Variants in EPS15 observed in about 807,000 individuals in gnomAD.
The protein encoded by EPS15 is epidermal growth factor receptor substrate 15.
In EPS15, 72 loss-of-function variants were observed where a neutral mutation model predicts 113.8. The ratio of observed to expected loss-of-function variants is 0.63; its 90% CI spans 0.52 to 0.77. EPS15 has a LOEUF of 0.77. Among genes scored for constraint, EPS15 ranks in the 30% least tolerant of loss-of-function variants. EPS15 has a pLI of 0.00. For missense variants in EPS15, 1,048 were observed against 1,045.8 expected, an observed-to-expected ratio of 1.00 and a Z score of -0.03; for synonymous variants, 344 against 363.4, an observed-to-expected ratio of 0.95 and a Z score of 0.61.
chr1:51,406,325 A>G (rs549748588), intron 15 of EPS15, among the ~76,000 whole-genome samples: 2 of 152,104 alleles, frequency 1.3e-5, no homozygotes, highest in Non-Finnish European at 2.9e-5. Context: ...GAAATATAAA[A>G]ATTAGCTGGG....
intron 21 of EPS15, among the ~76,000 whole-genome samples, chr1:51,385,252 C>G (rs1647035320): frequency 6.6e-6 from 1 of 152,012 alleles, no homozygotes; most frequent in Non-Finnish European, 1.5e-5. Flanking sequence ...TAGAAATGGG[C>G]AGAGGACTTG....
At chr1:51,445,505 A>T (rs1449397285) in intron 10 of EPS15, among the ~76,000 whole-genome samples, 1 of 152,230 alleles carries the variant, frequency 6.6e-6, no homozygotes, top group Non-Finnish European at 1.5e-5. Context: ...GGAGGATACA[A>T]GGATCACCAA....
intron 12 of EPS15, chr1:51,423,097 T>G (rs1433707593): frequency 1.1e-5 from 8 of 701,654 alleles, no homozygotes; most frequent in Non-Finnish European, 1.6e-5. Flanking sequence ...TCAACTGTTT[T>G]GGATACGTAG....
chr1:51,493,581 A>T (rs750925917), intron 1 of EPS15, among the ~76,000 whole-genome samples: 11 of 146,960 alleles, frequency 7.5e-5, no homozygotes, highest in South Asian at 6.5e-4. Flanking sequence ...AATAAATAAA[A>T]ATAAAGCTCT....
intron 21 of EPS15, 121 bp from the exon 22 acceptor site, chr1:51,366,150 C>G: frequency 1.6e-6 from 1 of 613,758 alleles, no homozygotes. Context: ...TCACTGCAGC[C>G]TCAATCTCCC....
intron 1 of EPS15, among the ~76,000 whole-genome samples, chr1:51,486,649 A>G (rs1009384509): frequency 6.6e-6 from 1 of 152,076 alleles, no homozygotes; most frequent in African/African-American, 2.4e-5. Context: ...CTGTGAAAAT[A>G]CTGAGACTGA....
chr1:51,390,117 A>AT (rs766233661), intron 21 of EPS15, among the ~76,000 whole-genome samples: 16 of 152,192 alleles, frequency 1.1e-4, no homozygotes, highest in Non-Finnish European at 1.8e-4. Context: ...CAAAACAGAG[A>AT]TATAGATCAA....
Position 51,440,327 on chromosome 1 carries a change from T to C in EPS15, c.1040+20A>G. ...TGTGTGTGTGTGTATGTGAGTAGGCTGTAATTTTGCTTTACATACCTCTGT... is the reference window on the plus strand; with the variant it reads ...TGTGTGTGTGTGTATGTGAGTAGGCCGTAATTTTGCTTTACATACCTCTGT... On this transcript the variant is annotated intron_variant, in intron 12 of 24. Coordinates refer to ENST00000371733, the MANE Select transcript of EPS15 (RefSeq NM_001981.3). 1 of 1,068,810 alleles carries C rather than the reference T, an allele frequency of 9.4e-7. No homozygotes were observed. The allele number at this position is 1,068,810 out of a possible 1,614,324, so 66.2% of individuals were successfully genotyped here.
chr1:51,444,806 T>C, intron 11 of EPS15, 83 bp downstream of exon 11: 1 of 1,326,360 alleles, frequency 7.5e-7, no homozygotes, highest in Non-Finnish European at 1.1e-6. Context: ...TCTCTTCTAT[T>C]TCATCCAAAT....
chr1:51,432,300 A>G (rs1247777889), intron 12 of EPS15, among the ~76,000 whole-genome samples: 1 of 89,606 alleles, frequency 1.1e-5, no homozygotes, highest in Non-Finnish European at 2.1e-5. Context: ...CACATAGATT[A>G]TGTATGTATG....
chr1:51,392,364 G>A (rs1462323760), intron 21 of EPS15, among the ~76,000 whole-genome samples: 1 of 152,150 alleles, frequency 6.6e-6, no homozygotes, highest in Non-Finnish European at 1.5e-5. Context: ...CTGGAACTCT[G>A]CAAGTGTTCA....
intron 13 of EPS15, among the ~76,000 whole-genome samples, chr1:51,416,006 A>G (rs1650190373): frequency 6.6e-6 from 1 of 151,990 alleles, no homozygotes; most frequent in African/African-American, 2.4e-5. Flanking sequence ...TATCAATATC[A>G]GCATCTAGAT....
intron 13 of EPS15, among the ~76,000 whole-genome samples, chr1:51,419,562 C>T (rs1224945075): frequency 2.0e-5 from 3 of 152,082 alleles, no homozygotes; most frequent in Non-Finnish European, 4.4e-5. Context: ...CCTTACTTCT[C>T]CTCCCCAATG....
intron 2 of EPS15, among the ~76,000 whole-genome samples, chr1:51,473,788 A>G (rs554819087): frequency 2.0e-5 from 3 of 152,328 alleles, no homozygotes; most frequent in African/African-American, 7.2e-5. Flanking sequence ...TATACTGTAC[A>G]AAGCATTCTA....
intron 21 of EPS15, among the ~76,000 whole-genome samples, chr1:51,384,294 C>CT (rs201374174): frequency 0.023 from 2,216 of 98,078 alleles, 44 homozygotes; most frequent in Non-Finnish European, 0.032. Flanking sequence ...CTTTTTCTTT[C>CT]TTTCTTTTTT....
At chr1:51,419,934 C>T (rs1650589116) in intron 13 of EPS15, among the ~76,000 whole-genome samples, 1 of 152,030 alleles carries the variant, frequency 6.6e-6, no homozygotes, top group South Asian at 2.1e-4. Flanking sequence ...TCTAGTACCT[C>T]ATTACCATGC....
intron 20 of EPS15, among the ~76,000 whole-genome samples, chr1:51,397,819 A>AT (rs996375393): frequency 1.5e-4 from 23 of 152,134 alleles, no homozygotes; most frequent in African/African-American, 5.1e-4. Context: ...TAGAAGACAA[A>AT]TTTTTTGCTT....
intron 16 of EPS15, 91 bp downstream of exon 16, chr1:51,405,814 A>C: frequency 9.6e-7 from 1 of 1,038,348 alleles, no homozygotes; most frequent in Non-Finnish European, 1.5e-6. Context: ...AGATGAGGCA[A>C]GGCCATGTAT....
chr1:51,451,490 CAA>C (rs56091976), intron 8 of EPS15, among the ~76,000 whole-genome samples: 6 of 50,804 alleles, frequency 1.2e-4, no homozygotes, highest in African/African-American at 1.6e-4. Flanking sequence ...GACTCCATCT[CAA>C]AAAAAAAAAA....
Sources: allele counts gnomAD v4.1 joint callset (sites outside exome capture counted in the v4.1 genomes callset), GRCh38; gene constraint gnomAD v4.1.1; transcripts MANE v1.5; gene names NCBI Gene and HGNC (gene_info 2026-07-23, HGNC 2026-07-21).